The following LDLRAD4 variants were observed in gnomAD, a reference collection of about 807,000 sequenced individuals.
LDLRAD4 encodes low-density lipoprotein receptor class A domain-containing protein 4.
LDLRAD4 carries 5 observed loss-of-function variants against 17.0 expected under a neutral mutation model. The ratio of observed to expected loss-of-function variants is 0.29; its 90% CI spans 0.15 to 0.62. LDLRAD4 has a LOEUF of 0.62. Among genes scored for constraint, LDLRAD4 ranks in the 20% least tolerant of loss-of-function variants. LDLRAD4 has a pLI of 0.84. For missense variants in LDLRAD4, 340 were observed against 424.7 expected (o/e 0.80, Z 1.75); for synonymous variants, 168 against 171.8 (o/e 0.98, Z 0.17).
chr18:13,320,068 G>T (rs2143224122), intron 1 of LDLRAD4, among the ~76,000 whole-genome samples: 1 of 152,294 alleles, frequency 6.6e-6, no homozygotes, highest in South Asian at 2.1e-4. Flanking sequence ...CATTGTTGCA[G>T]GAATCATAGT....
chr18:13,494,901 T>C (rs1395662280), intron 3 of LDLRAD4, among the ~76,000 whole-genome samples: 1 of 150,388 alleles, frequency 6.6e-6, no homozygotes, highest in East Asian at 2.0e-4. Context: ...TTTTTCCTGT[T>C]GTTACACTAG....
At chr18:13,450,666 G>T (rs1218675687) in intron 3 of LDLRAD4, among the ~76,000 whole-genome samples, 2 of 152,214 alleles carry the variant, frequency 1.3e-5, no homozygotes, top group South Asian at 2.1e-4. Context: ...GTTCTGTCCA[G>T]TGCTAAGTGG....
chr18:13,624,643 C>T (rs1395043808), intron 4 of LDLRAD4, among the ~76,000 whole-genome samples: 1 of 152,206 alleles, frequency 6.6e-6, no homozygotes, highest in Non-Finnish European at 1.5e-5. Context: ...CGTCCCCATG[C>T]CTGGCCTGGC....
Position 13,645,420 on chromosome 18 carries a change from A to C in LDLRAD4, c.684A>C (p.Pro228=). The stretch of plus-strand genomic sequence containing the variant: ...ACATTGCTATGTATAGCGGGGGTCC[A>C]TGCCCACCCAGCAGCAACTCGGGCA... The change falls in exon 6 of 6, where the codon CCA becomes CCC. Residue 228 remains proline, a synonymous_variant. Coordinates refer to ENST00000359446, the Ensembl canonical transcript of LDLRAD4. This position sits in a 1 kb window ranked among gnomAD's most constrained non-coding sequence, Gnocchi z 5.7. The C allele has an allele frequency of 6.2e-7, 1 of 1,614,168 alleles. No individual in the cohort carries two copies. Among genetic ancestry groups the C allele is most frequent in the Non-Finnish European group, 8.5e-7 (1 of 1,180,022 alleles).
At chr18:13,292,846 C>T (rs758123590) in intron 1 of LDLRAD4, among the ~76,000 whole-genome samples, 4 of 152,200 alleles carry the variant, frequency 2.6e-5, no homozygotes, top group South Asian at 4.1e-4. Flanking sequence ...TGAATTGCCT[C>T]AATAATTCCA....
At chr18:13,334,804 C>T (rs2082028196) in intron 1 of LDLRAD4, among the ~76,000 whole-genome samples, 1 of 152,118 alleles carries the variant, frequency 6.6e-6, no homozygotes, top group Admixed American at 6.5e-5. Context: ...TCTAGTTTCT[C>T]ATCATTAAGT....
At chr18:13,284,978 C>G (rs1167709155) in intron 1 of LDLRAD4, among the ~76,000 whole-genome samples, 1 of 152,190 alleles carries the variant, frequency 6.6e-6, no homozygotes, top group African/African-American at 2.4e-5. Context: ...CGGGCTGTGC[C>G]TCTCAAGCCG....
intron 1 of LDLRAD4, among the ~76,000 whole-genome samples, chr18:13,222,960 A>T (rs1567904101): frequency 6.6e-6 from 1 of 152,248 alleles, no homozygotes; most frequent in Non-Finnish European, 1.5e-5. Flanking sequence ...CAAATTGTCT[A>T]CGATAGATAA....
chr18:13,218,048 G>C (rs1386190123), upstream of LDLRAD4: 2 of 151,666 alleles, frequency 1.3e-5, no homozygotes, highest in Non-Finnish European at 1.5e-5. Flanking sequence ...TGGCCGCGGA[G>C]CCGCACTGCG....
chr18:13,343,480 T>G (rs756695469), intron 1 of LDLRAD4, among the ~76,000 whole-genome samples: 5 of 151,552 alleles, frequency 3.3e-5, no homozygotes, highest in Middle Eastern at 3.4e-3. Flanking sequence ...TCCAGTCTAT[T>G]GTTGTTGGAC....
chr18:13,367,325 G>C lies in LDLRAD4; in HGVS notation c.-382-20016G>C, dbSNP rs1277009537. 6.6e-6 allele frequency among the ~76,000 whole-genome samples: 1 copy of C among 152,188 alleles called. No homozygotes were observed. Among genetic ancestry groups the C allele is most frequent in the Non-Finnish European group, 1.5e-5 (1 of 68,032 alleles). ...TTTTGTCAGGTGGTGTGATTGGCAG[G>C]TGGGGCAGAGGGGCCTGGGAGATGA... On this transcript the variant is annotated intron_variant, in intron 1 of 5. Transcript: ENST00000359446. The surrounding 1 kb of genome is among the most constrained non-coding windows in gnomAD (Gnocchi z 4.1).
intron 3 of LDLRAD4, among the ~76,000 whole-genome samples, chr18:13,537,552 G>C (rs1365567573): frequency 1.3e-5 from 2 of 152,156 alleles, no homozygotes; most frequent in African/African-American, 2.4e-5. Context: ...GAGCTCAGGA[G>C]ATAATGCTCC....
intron 1 of LDLRAD4, among the ~76,000 whole-genome samples, chr18:13,365,345 C>G (rs969016175): frequency 6.6e-6 from 1 of 152,170 alleles, no homozygotes; most frequent in Non-Finnish European, 1.5e-5. Context: ...TGGCTTCCCT[C>G]ATGTGTATTC....
chr18:13,441,176 T>C (rs181351065), intron 3 of LDLRAD4, among the ~76,000 whole-genome samples: 116 of 152,296 alleles, frequency 7.6e-4, no homozygotes, highest in Admixed American at 1.8e-3. Context: ...CTATATATTC[T>C]CTTCCCCGTA....
chr18:13,243,105 C>A (rs1352697190), intron 1 of LDLRAD4, among the ~76,000 whole-genome samples: 2 of 152,258 alleles, frequency 1.3e-5, no homozygotes, highest in Admixed American at 1.3e-4. Flanking sequence ...ATGTCTGACT[C>A]CAGCTGATCT....
chr18:13,379,678 G>A (rs924581774), intron 1 of LDLRAD4, among the ~76,000 whole-genome samples: 1 of 152,214 alleles, frequency 6.6e-6, no homozygotes, highest in African/African-American at 2.4e-5. Context: ...AGAGAGCAGG[G>A]AAGACTGTGG....
chr18:13,575,294 T>C (rs2094752942), intron 3 of LDLRAD4, among the ~76,000 whole-genome samples: 1 of 152,226 alleles, frequency 6.6e-6, no homozygotes, highest in South Asian at 2.1e-4. Flanking sequence ...CCTCATAGCT[T>C]AGCTCCCACT....
intron 3 of LDLRAD4, among the ~76,000 whole-genome samples, chr18:13,556,959 A>G (rs1392022330): frequency 6.6e-6 from 1 of 152,148 alleles, no homozygotes; most frequent in African/African-American, 2.4e-5. Flanking sequence ...TGGTGATGAA[A>G]ACCAAGCTTG....
chr18:13,341,302 T>C (rs746363026), intron 1 of LDLRAD4, among the ~76,000 whole-genome samples: 2 of 152,164 alleles, frequency 1.3e-5, no homozygotes, highest in Non-Finnish European at 2.9e-5. Flanking sequence ...TTACATTGAA[T>C]CTGTAGATCA....
Sources: gnomAD v4.1 joint callset for allele counts (sites outside exome capture counted in the v4.1 genomes callset) on GRCh38, gnomAD v4.1.1 for gene constraint, Gnocchi (gnomAD v3.1) non-coding constraint, MANE v1.5 for transcripts, NCBI Gene and HGNC (gene_info 2026-07-23, HGNC 2026-07-21) for gene names.